CAST: variants seen among roughly 807,000 people sequenced by gnomAD.
The protein encoded by CAST is calpastatin.
In CAST, 76 loss-of-function variants were observed where a neutral mutation model predicts 119.6. That is an observed-to-expected ratio of 0.64 (90% CI 0.53 to 0.77). CAST has a LOEUF of 0.77. CAST is among the 30% of genes least tolerant of loss of function. The pLI is 0.00. For synonymous variants in CAST, 319 were observed against 331.6 expected (o/e 0.96, Z 0.41); for missense variants, 953 against 946.5 (o/e 1.01, Z -0.09).
the CAST span, among the ~76,000 whole-genome samples, chr5:96,367,714 C>T: frequency 0.32 from 48,518 of 151,898 alleles, 8,313 homozygotes; most frequent in Admixed American, 0.43. Flanking sequence ...TTTCCAGGTG[C>T]CATTTGTCAC....
the CAST span, among the ~76,000 whole-genome samples, chr5:96,184,968 A>G: frequency 6.6e-6 from 1 of 152,158 alleles, no homozygotes; most frequent in Non-Finnish European, 1.5e-5. Flanking sequence ...TTACACTTCC[A>G]CCAACAGCAT....
At chr5:96,582,659 A>G (rs920991039) in intron 1 of CAST, among the ~76,000 whole-genome samples, 8 of 152,350 alleles carry the variant, frequency 5.3e-5, no homozygotes, top group East Asian at 3.9e-4. Flanking sequence ...ATTTCCCTCC[A>G]TTAGCGGTTT....
the CAST span, among the ~76,000 whole-genome samples, chr5:96,395,203 C>T: frequency 2.8e-4 from 43 of 152,328 alleles, no homozygotes; most frequent in African/African-American, 1.0e-3. Context: ...GTAGGTTCAA[C>T]AGTTTAGAAA....
chr5:96,225,880 G>GC, the CAST span, among the ~76,000 whole-genome samples: 3 of 152,038 alleles, frequency 2.0e-5, no homozygotes, highest in Non-Finnish European at 4.4e-5. Flanking sequence ...TTTAATTCTT[G>GC]CCCCCCGCCT....
intron 16 of CAST, among the ~76,000 whole-genome samples, chr5:96,744,380 A>G (rs886668125): frequency 2.6e-5 from 4 of 152,218 alleles, no homozygotes; most frequent in Admixed American, 2.0e-4. Flanking sequence ...TCTTACATGG[A>G]GGAAAGTAAA....
the CAST span, among the ~76,000 whole-genome samples, chr5:96,035,175 A>T: frequency 7.3e-6 from 1 of 137,848 alleles, no homozygotes; most frequent in Non-Finnish European, 1.5e-5. Flanking sequence ...ATATATTTTG[A>T]AGTATATATA....
At chr5:96,593,763 C>T (rs1747004912) in intron 1 of CAST, among the ~76,000 whole-genome samples, 1 of 152,156 alleles carries the variant, frequency 6.6e-6, no homozygotes, top group Non-Finnish European at 1.5e-5. Context: ...TGCCCTCTTT[C>T]CACCATGTGG....
chr5:96,665,747 C>T (rs112364729), intron 1 of CAST, among the ~76,000 whole-genome samples: 1 of 139,356 alleles, frequency 7.2e-6, no homozygotes, highest in African/African-American at 2.5e-5. Flanking sequence ...CACACATACA[C>T]ACACACACAC....
intron 1 of CAST, among the ~76,000 whole-genome samples, chr5:96,567,481 T>C (rs1746488118): frequency 6.6e-6 from 1 of 152,274 alleles, no homozygotes; most frequent in East Asian, 1.9e-4. Context: ...GGAATTGCCT[T>C]CTCACTACCT....
chr5:96,580,328 C>G lies in CAST; in HGVS notation c.60+50448C>G, dbSNP rs538947822. Among the ~76,000 whole-genome samples, 3 of 152,162 alleles carry G rather than the reference C, an allele frequency of 2.0e-5. No individual in the cohort carries two copies. The East Asian group carries it at 5.8e-4, about 29-fold the overall frequency. On this transcript the variant is annotated intron_variant, in intron 1 of 11. Transcript: ENST00000505143. ...TGATGAAATTTAATGACGATAATGA[C>G]AAAATATTGCATTTAGGGACAAAAT... is the stretch of plus-strand genomic sequence containing the variant.
At chr5:96,694,634 A>C (rs144623319) in intron 2 of CAST, among the ~76,000 whole-genome samples, 1,616 of 152,268 alleles carry the variant, frequency 0.011, 24 homozygotes, top group African/African-American at 0.037. Flanking sequence ...CCATCTCAAA[A>C]AAACAAACAA....
chr5:96,025,223 A>T, the CAST span, among the ~76,000 whole-genome samples: 4,088 of 152,232 alleles, frequency 0.027, 57 homozygotes, highest in African/African-American at 0.047. Context: ...AGGCCGGGAA[A>T]GTCCAAGATC....
the CAST span, among the ~76,000 whole-genome samples, chr5:96,315,078 C>T: frequency 6.6e-6 from 1 of 152,110 alleles, no homozygotes; most frequent in Non-Finnish European, 1.5e-5. Context: ...TGATTATAAA[C>T]CACATGTTAT....
At chr5:96,360,606 G>A in the CAST span, among the ~76,000 whole-genome samples, 2 of 152,348 alleles carry the variant, frequency 1.3e-5, no homozygotes, top group Non-Finnish European at 2.9e-5. Flanking sequence ...CAGGTCTGCT[G>A]CAGTTTGCTG....
chr5:96,213,448 A>G, the CAST span: 1 of 152,154 alleles, frequency 6.6e-6, no homozygotes, highest in African/African-American at 2.4e-5. Flanking sequence ...TAATGCATAC[A>G]CAGTGTATAA....
intron 2 of CAST, among the ~76,000 whole-genome samples, chr5:96,684,899 A>G (rs1314895096): frequency 2.6e-5 from 4 of 152,070 alleles, no homozygotes; most frequent in Non-Finnish European, 5.9e-5. Context: ...GAGCTGTTTT[A>G]TCAGAAGCTA....
At chr5:96,662,320 G>GCCCC (rs1748626548), upstream of CAST, 4 of 818,868 alleles carry the variant, frequency 4.9e-6, no homozygotes, top group South Asian at 3.1e-5. Flanking sequence ...CGGGCCCTCC[G>GCCCC]CTCCCTCCCT....
chr5:96,702,369 T>C (rs1754017881), intron 3 of CAST, among the ~76,000 whole-genome samples: 1 of 152,208 alleles, frequency 6.6e-6, no homozygotes, highest in Non-Finnish European at 1.5e-5. Context: ...TGTAATATAC[T>C]ATAATATAAA....
the CAST span, among the ~76,000 whole-genome samples, chr5:96,432,658 C>T: frequency 6.6e-6 from 1 of 152,206 alleles, no homozygotes; most frequent in Admixed American, 6.5e-5. Flanking sequence ...CTTCCTTCTG[C>T]TTGGCTGCGC....
Sources: allele counts gnomAD v4.1 joint callset (sites outside exome capture counted in the v4.1 genomes callset), GRCh38; gene constraint gnomAD v4.1.1; transcripts MANE v1.5; gene names NCBI Gene and HGNC (gene_info 2026-07-23, HGNC 2026-07-21).